CACNA2D3: variants seen among roughly 807,000 people sequenced by gnomAD.
CACNA2D3 encodes calcium voltage-gated channel auxiliary subunit alpha2delta 3.
Under a neutral mutation model 160.6 loss-of-function variants are expected in CACNA2D3, and 60 were observed. The observed-to-expected ratio is 0.37, with a 90% CI of 0.30 to 0.46. The LOEUF (loss-of-function observed/expected upper bound fraction) is 0.46, where lower values mean the gene tolerates loss of function less well. Among genes scored for constraint, CACNA2D3 ranks in the 20% least tolerant of loss-of-function variants. CACNA2D3 has a pLI of 1.00. For synonymous variants in CACNA2D3, 558 were observed against 492.9 expected, an observed-to-expected ratio of 1.13 and a Z score of -1.75; for missense variants, 1,205 against 1,365.0, an observed-to-expected ratio of 0.88 and a Z score of 1.85.
chr3:54,515,043 A>G (rs1300282623), intron 5 of CACNA2D3, among the ~76,000 whole-genome samples: 1 of 152,176 alleles, frequency 6.6e-6, no homozygotes, highest in Non-Finnish European at 1.5e-5. Flanking sequence ...CTCAGAAGGT[A>G]TGGACGTTTC....
intron 14 of CACNA2D3, among the ~76,000 whole-genome samples, chr3:54,836,275 C>A (rs1450645495): frequency 6.9e-6 from 1 of 145,364 alleles, no homozygotes; most frequent in Non-Finnish European, 1.5e-5. Context: ...CGCTCTGTCA[C>A]CCAGCCTGGA....
rs1704895338 is a variant in CACNA2D3 at position 55,074,207 on chromosome 3, C to T, written c.*1C>T. On this transcript the variant is annotated 3_prime_UTR_variant, in exon 38 of 38. Coordinates refer to ENST00000474759, the MANE Select transcript of CACNA2D3 (RefSeq NM_018398.3). ...GCTTTTGATGCTCTTCTCAAGGTGACACTGACTGAGATGTTCTCTTACTGA... is the reference window on the plus strand; with the variant it reads ...GCTTTTGATGCTCTTCTCAAGGTGATACTGACTGAGATGTTCTCTTACTGA... The T allele has an allele frequency of 6.3e-7, 1 of 1,592,918 alleles. No individual in the cohort carries two copies. Among genetic ancestry groups the T allele is most frequent in the Non-Finnish European group, 8.6e-7 (1 of 1,160,514 alleles).
intron 3 of CACNA2D3, among the ~76,000 whole-genome samples, chr3:54,372,428 A>T (rs1440498857): frequency 2.6e-5 from 4 of 152,092 alleles, no homozygotes; most frequent in Non-Finnish European, 4.4e-5. Context: ...CTGCTGCAGG[A>T]TGTAGGGTGA....
At chr3:54,646,512 C>A (rs1256319169) in intron 11 of CACNA2D3, among the ~76,000 whole-genome samples, 1 of 151,894 alleles carries the variant, frequency 6.6e-6, no homozygotes, top group East Asian at 1.9e-4. Flanking sequence ...GTTTTCTGTT[C>A]CTGCATTAGT....
At chr3:54,403,447 A>C (rs1199494825) in intron 4 of CACNA2D3, among the ~76,000 whole-genome samples, 1 of 152,074 alleles carries the variant, frequency 6.6e-6, no homozygotes, top group Non-Finnish European at 1.5e-5. Flanking sequence ...AAGACATAAC[A>C]TACCAAAACC....
chr3:54,172,188 G>A (rs908023047), intron 2 of CACNA2D3, among the ~76,000 whole-genome samples: 1 of 152,222 alleles, frequency 6.6e-6, no homozygotes, highest in African/African-American at 2.4e-5. Flanking sequence ...CAACAATGCT[G>A]TTTACTCTCC....
intron 5 of CACNA2D3, among the ~76,000 whole-genome samples, chr3:54,559,105 T>G (rs1223708128): frequency 1.3e-5 from 2 of 152,170 alleles, no homozygotes; most frequent in African/African-American, 2.4e-5. Context: ...ACTTGACAGC[T>G]ATTTCTCCTC....
intron 2 of CACNA2D3, among the ~76,000 whole-genome samples, chr3:54,263,794 A>G (rs556909957): frequency 6.6e-6 from 1 of 152,298 alleles, no homozygotes; most frequent in Non-Finnish European, 1.5e-5. Flanking sequence ...ACAGTGAGAG[A>G]TGATAATGCT....
intron 11 of CACNA2D3, among the ~76,000 whole-genome samples, chr3:54,694,303 C>T (rs1700622119): frequency 6.6e-6 from 1 of 152,180 alleles, no homozygotes; most frequent in Non-Finnish European, 1.5e-5. Context: ...CCCATATAGC[C>T]TTGGTGTGTA....
At chr3:54,954,063 T>C (rs568655187) in intron 27 of CACNA2D3, among the ~76,000 whole-genome samples, 3 of 152,206 alleles carry the variant, frequency 2.0e-5, no homozygotes, top group African/African-American at 7.2e-5. Context: ...GCAAGAACTT[T>C]CCATGAATTC....
At chr3:54,581,488 G>T (rs1309899185) in intron 8 of CACNA2D3, among the ~76,000 whole-genome samples, 1 of 152,202 alleles carries the variant, frequency 6.6e-6, no homozygotes, top group African/African-American at 2.4e-5. Flanking sequence ...TGGGCTGTCA[G>T]CCATGCCCAG....
At chr3:54,995,858 G>C (rs1198563026) in intron 31 of CACNA2D3, among the ~76,000 whole-genome samples, 1 of 152,116 alleles carries the variant, frequency 6.6e-6, no homozygotes, top group African/African-American at 2.4e-5. Flanking sequence ...GGCTTCCTCT[G>C]ATAACCCCTT....
At chr3:54,191,065 A>G (rs1700971582) in intron 2 of CACNA2D3, among the ~76,000 whole-genome samples, 2 of 148,816 alleles carry the variant, frequency 1.3e-5, no homozygotes, top group South Asian at 2.1e-4. Flanking sequence ...AAAAAAAAAA[A>G]GTGCCTTTCT....
At position 54,556,098 on chromosome 3, in the gene CACNA2D3, GT is replaced by G. The variant is rs576405316; in HGVS notation, c.545-6700del. Among the ~76,000 whole-genome samples the G allele has an allele frequency of 3.2e-3, 486 of 152,304 alleles. 4 individuals are homozygous for G. Among genetic ancestry groups the G allele is most frequent in the African/African-American group, 0.011 (464 of 41,574 alleles). ...CATACAAACCATGAGATATGGGTAT[GT>G]TGTGTAGGATAATTCAGAGAACATT... On this transcript the variant is annotated intron_variant, in intron 5 of 37. Transcript: ENST00000474759.
intron 35 of CACNA2D3, among the ~76,000 whole-genome samples, chr3:55,045,308 C>G (rs1704051610): frequency 6.6e-6 from 1 of 152,168 alleles, no homozygotes; most frequent in Non-Finnish European, 1.5e-5. Flanking sequence ...CCTCGGCCTC[C>G]CAAAGTGCTG....
chr3:54,264,261 C>G (rs2107442875), intron 2 of CACNA2D3, among the ~76,000 whole-genome samples: 1 of 152,238 alleles, frequency 6.6e-6, no homozygotes, highest in Admixed American at 6.5e-5. Context: ...CTTCTGTGGG[C>G]TGATTTTTCT....
chr3:54,891,477 G>T, intron 25 of CACNA2D3, 27 bp downstream of exon 25: 1 of 1,491,412 alleles, frequency 6.7e-7, no homozygotes. Flanking sequence ...CTCTACAGGG[G>T]CCCAGGGAGC....
chr3:54,805,346 G>A (rs189402269), intron 13 of CACNA2D3, among the ~76,000 whole-genome samples: 106 of 151,944 alleles, frequency 7.0e-4, no homozygotes, highest in South Asian at 1.0e-3. Flanking sequence ...TCAAATAGAC[G>A]CAATAAAAAA....
intron 5 of CACNA2D3, among the ~76,000 whole-genome samples, chr3:54,524,786 C>T (rs1029268226): frequency 1.3e-5 from 2 of 151,996 alleles, no homozygotes; most frequent in Non-Finnish European, 2.9e-5. Flanking sequence ...CTATTTGTCT[C>T]ATATTATTCT....
Sources: allele counts gnomAD v4.1 joint callset (sites outside exome capture counted in the v4.1 genomes callset), GRCh38; gene constraint gnomAD v4.1.1; transcripts MANE v1.5; gene names NCBI Gene and HGNC (gene_info 2026-07-23, HGNC 2026-07-21).